Variants in SPATC1L observed in about 807,000 individuals in gnomAD.
The protein encoded by SPATC1L is spermatogenesis and centriole associated 1 like.
In SPATC1L, 20 loss-of-function variants were observed where a neutral mutation model predicts 21.2. The ratio of observed to expected loss-of-function variants is 0.94; its 90% confidence interval spans 0.66 to 1.37. The LOEUF (loss-of-function observed/expected upper bound fraction) is 1.37. Among genes scored for constraint, SPATC1L ranks in the 40% most tolerant of loss-of-function variants. SPATC1L has a pLI of 0.00. For missense variants in SPATC1L, 499 were observed against 478.7 expected (o/e 1.04, Z -0.40); for synonymous variants, 290 against 234.5 (o/e 1.24, Z -2.16).
intron 4 of SPATC1L, 84 bp from the exon 5 acceptor site, chr21:46,161,789 G>A (rs184341305): frequency 1.5e-5 from 22 of 1,483,096 alleles, no homozygotes; most frequent in East Asian, 4.9e-5. Context: ...TCCCTGCCCC[G>A]CCCGCCTGGG....
intron 4 of SPATC1L, 25 bp downstream of exon 4, chr21:46,161,891 G>A: frequency 1.3e-6 from 2 of 1,599,890 alleles, no homozygotes; most frequent in Non-Finnish European, 1.7e-6. Context: ...CACCCTCCTG[G>A]CCGCGCCCTC....
Position 46,161,902 on chromosome 21 carries a change from C to T in SPATC1L, c.696+14G>A. On this transcript the variant is annotated intron_variant, in intron 4 of 4. Transcript: ENST00000291672. ...CCCGCACCCTCCTGGCCGCGCCCTC[C>T]CCACGGGGCGCACCTGCTCGATCTT... 2 of 1,603,372 alleles carry T rather than the reference C, an allele frequency of 1.2e-6. No homozygotes were observed. Among genetic ancestry groups the T allele is most frequent in the Admixed American group, 1.7e-5 (1 of 59,842 alleles).
At chr21:46,164,103 G>A (rs1336218088) in intron 3 of SPATC1L, among the ~76,000 whole-genome samples, 1 of 152,072 alleles carries the variant, frequency 6.6e-6, no homozygotes, top group Non-Finnish European at 1.5e-5. Context: ...TACCTTCTGG[G>A]CTTGAGTGAT....
intron 2 of SPATC1L, 147 bp from the exon 3 acceptor site, chr21:46,168,805 T>G: frequency 2.2e-6 from 1 of 462,464 alleles, no homozygotes; most frequent in Non-Finnish European, 3.6e-6. Context: ...AGCATCCTCC[T>G]TCCCCTCAGG....
chr21:46,183,516 G>A lies in SPATC1L; in HGVS notation c.-700C>T, dbSNP rs1233312407. The A allele has an allele frequency of 5.6e-5, 8 of 142,846 alleles. No individual in the cohort carries two copies. Among genetic ancestry groups the A allele is most frequent in the Non-Finnish European group, 1.1e-4 (7 of 62,710 alleles). The allele number at this position is 142,846 out of a possible 1,614,324, so 8.8% of individuals were successfully genotyped here. On this transcript the variant is annotated 5_prime_UTR_variant, in exon 2 of 5. Coordinates refer to ENST00000291672, the MANE Select transcript of SPATC1L (RefSeq NM_001142854.2). ...CAGCCTGCAGGGGAGACCAGCTTGC[G>A]GGGGAGACCAGCCTGCGGGGGAGAC... is the stretch of plus-strand genomic sequence containing the variant.
intron 2 of SPATC1L, among the ~76,000 whole-genome samples, chr21:46,179,869 C>A (rs887572467): frequency 2.0e-5 from 3 of 152,226 alleles, no homozygotes; most frequent in Admixed American, 1.3e-4. Context: ...TCGCGTCACT[C>A]ACTTGTAAAC....
rs532397772 is a variant in SPATC1L at position 46,182,940 on chromosome 21, G to A, written c.-124C>T. The A allele has an allele frequency of 1.4e-4, 137 of 987,192 alleles. 1 individual carries two copies. Among genetic ancestry groups the A allele is most frequent in the Middle Eastern group, 6.4e-4 (2 of 3,116 alleles). The allele number at this position is 987,192 out of a possible 1,614,324, so 61.2% of individuals were successfully genotyped here. ...TTCCGTAGCCACCACCGCCTTCCAC[G>A]CCTTGTGATGTCACTGCCCTAGTGA... is the stretch of plus-strand genomic sequence containing the variant. On this transcript the variant is annotated 5_prime_UTR_variant, in exon 2 of 5. Coordinates refer to ENST00000291672, the MANE Select transcript of SPATC1L (RefSeq NM_001142854.2).
rs912307813 is a variant in SPATC1L, at chr21:46,182,882, C to T, written c.-66G>A. The T allele has an allele frequency of 4.0e-5, 57 of 1,426,470 alleles. No homozygotes were observed. Among genetic ancestry groups the T allele is most frequent in the Non-Finnish European group, 5.0e-5 (54 of 1,083,314 alleles). The allele number at this position is 1,426,470 out of a possible 1,614,324, so 88.4% of individuals were successfully genotyped here. On this transcript the variant is annotated 5_prime_UTR_variant, in exon 2 of 5. Coordinates refer to ENST00000291672, the MANE Select transcript of SPATC1L (RefSeq NM_001142854.2). ...CCCATGGAGGTGGGAGCCCAGAGCC[C>T]GCAGGCACCACAGAAACAGCCCAGG...
chr21:46,179,754 G>A (rs73144730), intron 2 of SPATC1L, among the ~76,000 whole-genome samples: 12,500 of 152,268 alleles, frequency 0.082, 616 homozygotes, highest in African/African-American at 0.11. Context: ...GTGGAGACAC[G>A]GCGAGTGGCA....
chr21:46,173,195 C>T (rs13052869), intron 2 of SPATC1L, among the ~76,000 whole-genome samples: 111,229 of 151,588 alleles, frequency 0.73, 42,142 homozygotes, highest in East Asian at 1. Context: ...CAGATGGGAC[C>T]AGTCCAACCT....
intron 2 of SPATC1L, among the ~76,000 whole-genome samples, chr21:46,180,282 C>T (rs1339251298): frequency 6.6e-6 from 1 of 152,184 alleles, no homozygotes; most frequent in South Asian, 2.1e-4. Context: ...AGTTGCGGAA[C>T]AGCACAATCC....
At chr21:46,181,695 C>A (rs1424034693) in intron 2 of SPATC1L, among the ~76,000 whole-genome samples, 1 of 152,300 alleles carries the variant, frequency 6.6e-6, no homozygotes, top group Non-Finnish European at 1.5e-5. Context: ...CTCGTGCTCG[C>A]AGACAGCAGT....
At position 46,161,995 on chromosome 21, in the gene SPATC1L, C is replaced by A; in HGVS notation, c.617G>T (p.Arg206Leu). ...VGEIAFQLDRRILAYVFPGVT... is the reference protein window; with the variant it reads ...VGEIAFQLDRLILAYVFPGVT... Reference sequence around the variant, plus strand: ...GCCCGGGAACACGTAGGCCAGGATGCGGCGGTCCAGCTGGAAGGCGATCTC... The same window carrying A: ...GCCCGGGAACACGTAGGCCAGGATGAGGCGGTCCAGCTGGAAGGCGATCTC... Residue 206 changes from arginine (R) to leucine (L), a missense_variant, in exon 4 of 5, where the codon CGC becomes CTC. Transcript: ENST00000291672. 1 of 1,603,904 alleles carries A rather than the reference C, an allele frequency of 6.2e-7. No homozygotes were observed. Among genetic ancestry groups the A allele is most frequent in the East Asian group, 2.2e-5 (1 of 44,640 alleles).
chr21:46,162,045 G>GCCCACCACGC lies in SPATC1L; in HGVS notation c.566_567insGCGTGGTGGG (p.Glu190ArgfsTer?), dbSNP rs762782627. 10 of 1,582,974 alleles carry GCCCACCACGC rather than the reference G, an allele frequency of 6.3e-6. No homozygotes were observed. Among genetic ancestry groups the GCCCACCACGC allele is most frequent in the Non-Finnish European group, 8.6e-6 (10 of 1,167,228 alleles). On this transcript the variant is annotated frameshift_variant, in exon 4 of 5. Coordinates refer to ENST00000291672, the MANE Select transcript of SPATC1L (RefSeq NM_001142854.2). LOFTEE classifies it high-confidence loss of function. ...CGCCCACCACGCGCGCGTCCTTCTC[G>GCCCACCACGC]GCGCCCGCGAAGCTCTGGATCTCTG...
At chr21:46,180,917 G>A (rs2079667369) in intron 2 of SPATC1L, among the ~76,000 whole-genome samples, 1 of 152,238 alleles carries the variant, frequency 6.6e-6, no homozygotes, top group Non-Finnish European at 1.5e-5. Context: ...GATGACCCAA[G>A]GGCAGGGGCA....
At chr21:46,177,496 T>C (rs531764481) in intron 2 of SPATC1L, among the ~76,000 whole-genome samples, 1 of 152,060 alleles carries the variant, frequency 6.6e-6, no homozygotes, top group East Asian at 1.9e-4. Context: ...AACGAGCATA[T>C]GAAAAAAGGC....
chr21:46,162,663 C>T (rs951168857), intron 3 of SPATC1L, among the ~76,000 whole-genome samples: 1 of 150,568 alleles, frequency 6.6e-6, no homozygotes, highest in Non-Finnish European at 1.5e-5. Context: ...CTCCACTCAC[C>T]GCAACCTCCG....
At chr21:46,174,543 A>G (rs1161514976) in intron 2 of SPATC1L, among the ~76,000 whole-genome samples, 2 of 152,160 alleles carry the variant, frequency 1.3e-5, no homozygotes, top group African/African-American at 2.4e-5. Context: ...TTTTAAACCA[A>G]TGAAGATCAA....
At position 46,161,958 on chromosome 21, in the gene SPATC1L, G is replaced by C; in HGVS notation, c.654C>G (p.Leu218=). The change falls in exon 4 of 5, where the codon CTC becomes CTG. Residue 218 remains leucine (L), a synonymous_variant. Coordinates refer to ENST00000291672, the MANE Select transcript of SPATC1L (RefSeq NM_001142854.2). ...GGATGTTGGCCACCGTGAAGCCGTA[G>C]AGCCGCGTCACGCCCGGGAACACGT... ...LAYVFPGVTR[L]YGFTVANIPE... 1 of 1,608,302 alleles carries C rather than the reference G, an allele frequency of 6.2e-7. No homozygotes were observed. Among genetic ancestry groups the C allele is most frequent in the Non-Finnish European group, 8.5e-7 (1 of 1,179,354 alleles).
Sources: allele counts gnomAD v4.1 joint callset (sites outside exome capture counted in the v4.1 genomes callset), GRCh38; gene constraint gnomAD v4.1.1; transcripts MANE v1.5; gene names NCBI Gene and HGNC (gene_info 2026-07-23, HGNC 2026-07-21).